The following TANC1 variants were observed in gnomAD, a reference collection of about 807,000 sequenced individuals.
TANC1 encodes protein TANC1.
A neutral mutation model predicts 149.7 loss-of-function variants in TANC1; 77 were observed. The observed-to-expected ratio is 0.51, with a 90% CI of 0.43 to 0.62. TANC1 has a LOEUF of 0.62. Ranked by LOEUF, TANC1 falls within the 20% of genes least tolerant of loss-of-function variation. TANC1 has a pLI of 0.00. For missense variants in TANC1, 1,985 were observed against 2,321.8 expected (o/e 0.85, Z 2.98); for synonymous variants, 854 against 925.0 (o/e 0.92, Z 1.39).
intron 3 of TANC1, among the ~76,000 whole-genome samples, chr2:159,087,899 A>G (rs2045106550): frequency 6.7e-6 from 1 of 149,240 alleles, no homozygotes; most frequent in Non-Finnish European, 1.5e-5. Context: ...TAGGAGACAC[A>G]GACACAGAGG....
At chr2:159,184,636 C>T (rs1382167093) in intron 14 of TANC1, among the ~76,000 whole-genome samples, 2 of 152,060 alleles carry the variant, frequency 1.3e-5, no homozygotes, top group African/African-American at 4.8e-5. Flanking sequence ...ATGGGTAGGA[C>T]CTGGGGAGGC....
chr2:159,132,371 G>A (rs192765463), intron 4 of TANC1, among the ~76,000 whole-genome samples: 14 of 152,270 alleles, frequency 9.2e-5, no homozygotes, highest in East Asian at 3.9e-4. Flanking sequence ...GTCTTTGTGC[G>A]TGGATTTTCC....
chr2:159,198,379 G>A (rs1002980659), intron 18 of TANC1, among the ~76,000 whole-genome samples: 2 of 152,122 alleles, frequency 1.3e-5, no homozygotes, highest in Admixed American at 6.5e-5. Context: ...TGGCTTTGTC[G>A]TGTTCTCCCG....
At chr2:159,202,621 A>G (rs2058325028) in intron 19 of TANC1, among the ~76,000 whole-genome samples, 2 of 152,120 alleles carry the variant, frequency 1.3e-5, no homozygotes, top group Admixed American at 1.3e-4. Context: ...CTAGTGGAGA[A>G]TAAGTAGTAT....
chr2:159,081,830 C>T (rs1049810607), intron 3 of TANC1, among the ~76,000 whole-genome samples: 1 of 152,226 alleles, frequency 6.6e-6, no homozygotes, highest in Non-Finnish European at 1.5e-5. Flanking sequence ...TCCCTGGCCC[C>T]ATGGGCCAGG....
Position 159,229,894 on chromosome 2 carries a change from A to T in TANC1, c.4468A>T (p.Asn1490Tyr). 6.2e-7 allele frequency: 1 copy of T among 1,614,058 alleles called. No homozygotes were observed. Among genetic ancestry groups the T allele is most frequent in the Non-Finnish European group, 8.5e-7 (1 of 1,180,030 alleles). ...SSSVPSSYIR[N>Y]LQEGLQSKGR... ...ATCTGTCCCTTCCTCATACATCCGA[A>T]ACCTTCAAGAAGGGTTACAGTCCAA... Residue 1490 changes from asparagine (N) to tyrosine (Y), a missense_variant, in exon 27 of 27, where the codon AAC becomes TAC. This residue lies in a region of TANC1 where 920 missense variants were observed against 994.7 expected (regional missense o/e 0.92). Transcript: ENST00000263635.
At chr2:159,057,662 C>T (rs910394906) in intron 2 of TANC1, among the ~76,000 whole-genome samples, 2 of 152,310 alleles carry the variant, frequency 1.3e-5, no homozygotes, top group African/African-American at 4.8e-5. Flanking sequence ...AATTATGTTT[C>T]TCCACAACCA....
At chr2:159,113,237 C>T (rs2047933919) in intron 4 of TANC1, among the ~76,000 whole-genome samples, 1 of 152,170 alleles carries the variant, frequency 6.6e-6, no homozygotes, top group South Asian at 2.1e-4. Flanking sequence ...GGATTATGGG[C>T]ATGAGAAGTT....
chr2:158,992,709 A>G (rs962126592), intron 1 of TANC1, among the ~76,000 whole-genome samples: 6 of 138,844 alleles, frequency 4.3e-5, no homozygotes, highest in African/African-American at 1.6e-4. Flanking sequence ...TTTAGTAGAG[A>G]CAGGGTTTCA....
chr2:159,133,913 C>A (rs1243680110), intron 4 of TANC1, among the ~76,000 whole-genome samples: 1 of 152,230 alleles, frequency 6.6e-6, no homozygotes, highest in African/African-American at 2.4e-5. Flanking sequence ...AGATGTAGTA[C>A]ACCCATGTAG....
At chr2:159,180,920 A>G (rs994712258) in intron 14 of TANC1, among the ~76,000 whole-genome samples, 1 of 152,122 alleles carries the variant, frequency 6.6e-6, no homozygotes, top group African/African-American at 2.4e-5. Context: ...CAAGAGGGAG[A>G]AGCTCCCAGC....
chr2:159,201,194 C>T (rs1043899258), intron 19 of TANC1, among the ~76,000 whole-genome samples: 1 of 152,194 alleles, frequency 6.6e-6, no homozygotes, highest in Non-Finnish European at 1.5e-5. Flanking sequence ...CCAAGCCTTC[C>T]TACTTTCCAG....
At chr2:159,146,497 T>C (rs979657800) in intron 5 of TANC1, among the ~76,000 whole-genome samples, 1 of 151,754 alleles carries the variant, frequency 6.6e-6, no homozygotes, top group African/African-American at 2.4e-5. Context: ...GTTGTGCAGT[T>C]AAGAGAACAG....
At chr2:159,185,377 CCTT>C (rs1364109954) in intron 14 of TANC1, among the ~76,000 whole-genome samples, 1 of 152,232 alleles carries the variant, frequency 6.6e-6, no homozygotes, top group African/African-American at 2.4e-5. Flanking sequence ...GATGCCTTAG[CCTT>C]CTTCTCACCA....
rs1238523799 is a variant in TANC1, at chr2:159,207,278, A to G, written c.3244+8225A>G. Among the ~76,000 whole-genome samples the G allele has an allele frequency of 4.6e-5, 7 of 152,230 alleles. No homozygotes were observed. In the East Asian group the frequency reaches 1.3e-3, roughly 29 times the overall value. The stretch of plus-strand genomic sequence containing the variant: ...ACCATTTTTATTGTCCATGGGAGAA[A>G]TCGCAGCAGTTCCTCAGAAAAAGAG... On this transcript the variant is annotated intron_variant, in intron 19 of 26. Transcript: ENST00000263635.
At chr2:159,055,998 T>C (rs2041821362) in intron 2 of TANC1, 2 of 309,738 alleles carry the variant, frequency 6.5e-6, no homozygotes, top group Non-Finnish European at 1.3e-5. Context: ...TAGCTCAGCA[T>C]AAAAGCTTGT....
chr2:159,153,297 C>T (rs62171105), intron 7 of TANC1, among the ~76,000 whole-genome samples: 4,270 of 152,338 alleles, frequency 0.028, 84 homozygotes, highest in Non-Finnish European at 0.046. Flanking sequence ...TAGCACATTT[C>T]ATGACATTGA....
At position 159,230,569 on chromosome 2, in the gene TANC1, G is replaced by A; in HGVS notation, c.5143G>A (p.Glu1715Lys). The change falls in exon 27 of 27, where the codon GAG becomes AAG. Residue 1715 changes from glutamate to lysine, a missense_variant. This residue lies in a region of TANC1 where 920 missense variants were observed against 994.7 expected (regional missense o/e 0.92). Transcript: ENST00000263635. The surrounding 1 kb of genome is among the most constrained non-coding windows in gnomAD (Gnocchi z 4.4). The stretch of plus-strand genomic sequence containing the variant: ...AACCCACGTTCAGAGCGGTACAGCT[G>A]AGCACAGACCCCGCAACACGCCGTT... ...VVTHVQSGTA[E>K]HRPRNTPFMG... 1.2e-6 allele frequency: 2 copies of A among 1,614,232 alleles called. No individual in the cohort carries two copies. The highest frequency in any genetic ancestry group is 2.2e-5 in the East Asian group (1 of 44,880).
At chr2:159,062,795 G>A (rs1490250518) in intron 2 of TANC1, among the ~76,000 whole-genome samples, 13 of 150,562 alleles carry the variant, frequency 8.6e-5, no homozygotes, top group South Asian at 6.4e-4. Flanking sequence ...GTGAAACCCC[G>A]TCTCTACTAA....
Sources: allele counts gnomAD v4.1 joint callset (sites outside exome capture counted in the v4.1 genomes callset), GRCh38; gene constraint gnomAD v4.1.1; regional missense constraint gnomAD v4.1.1; non-coding constraint Gnocchi (gnomAD v3.1); transcripts MANE v1.5; gene names NCBI Gene and HGNC (gene_info 2026-07-23, HGNC 2026-07-21).